The following TNIP1 variants were observed in gnomAD, a reference collection of about 807,000 sequenced individuals.
TNIP1 encodes TNFAIP3-interacting protein 1.
TNIP1 carries 22 observed loss-of-function variants against 86.6 expected under a neutral mutation model. The ratio of observed to expected loss-of-function variants is 0.25; its 90% CI spans 0.18 to 0.36. TNIP1 has a LOEUF of 0.36. Ranked by LOEUF, TNIP1 falls within the 10% of genes least tolerant of loss-of-function variation. The pLI is 1.00. For synonymous variants in TNIP1, 294 were observed against 313.0 expected (o/e 0.94, Z 0.64); for missense variants, 709 against 820.6 (o/e 0.86, Z 1.66).
At chr5:151,066,094 C>A (rs1466758453) in intron 1 of TNIP1, among the ~76,000 whole-genome samples, 1 of 152,136 alleles carries the variant, frequency 6.6e-6, no homozygotes, top group Non-Finnish European at 1.5e-5. Context: ...ATAAAACAGA[C>A]AAAAATCCTT....
rs1163226117 is a variant in TNIP1, at chr5:151,059,864, TGTGCGC to T, written c.435+448_435+453del. 6.2e-4 allele frequency among the ~76,000 whole-genome samples: 61 copies of T among 98,674 alleles called. 1 individual carries two copies. Among genetic ancestry groups the T allele is most frequent in the African/African-American group, 2.6e-3 (49 of 18,830 alleles). The allele number at this position is 98,674 out of a possible 152,430, so 64.7% of individuals were successfully genotyped here. The stretch of plus-strand genomic sequence containing the variant: ...GTGTGTGTGTGTGTGTGTGTGTGTG[TGTGCGC>T]GCGCGCGCGCGCATGCGTGTAAGTG... On this transcript the variant is annotated intron_variant, in intron 5 of 17. Coordinates refer to ENST00000521591, the MANE Select transcript of TNIP1 (RefSeq NM_006058.5).
intron 11 of TNIP1, among the ~76,000 whole-genome samples, chr5:151,040,312 A>G (rs552353316): frequency 1.3e-5 from 2 of 152,350 alleles, no homozygotes; most frequent in Admixed American, 1.3e-4. Context: ...TGGACATTTC[A>G]TAACTGTGTA....
intron 16 of TNIP1, chr5:151,032,611 T>A (rs978276898): frequency 7.0e-6 from 4 of 567,560 alleles, no homozygotes; most frequent in African/African-American, 5.6e-5. Flanking sequence ...TGAATCCAGG[T>A]CTTTGTAAAT....
At chr5:151,039,699 C>T (rs990511722) in intron 11 of TNIP1, among the ~76,000 whole-genome samples, 1 of 152,170 alleles carries the variant, frequency 6.6e-6, no homozygotes, top group African/African-American at 2.4e-5. Flanking sequence ...CTTCCGTGAT[C>T]CACAGAAAGC....
chr5:151,060,712 A>G lies in TNIP1; in HGVS notation c.358-317T>C, dbSNP rs1454866635. 2.6e-5 allele frequency among the ~76,000 whole-genome samples: 4 copies of G among 152,232 alleles called. No homozygotes were observed. In the East Asian group the frequency reaches 7.7e-4, roughly 29 times the overall value. On this transcript the variant is annotated intron_variant, in intron 4 of 17. Coordinates refer to ENST00000521591, the MANE Select transcript of TNIP1 (RefSeq NM_006058.5). ...GGCCGTGTACTTTTTAAATGCTTTC[A>G]TGAGCTCCATTATTTCTCAGGGTGA...
rs1012253405 is a variant in TNIP1 at position 151,032,201 on chromosome 5, C to T, written c.1876+86G>A. 1.2e-5 allele frequency: 15 copies of T among 1,204,982 alleles called. 1 individual carries two copies. The East Asian group carries it at 1.9e-4, about 15-fold the overall frequency. 74.6% of individuals were successfully genotyped at this position (1,204,982 alleles called of 1,614,324 possible). On this transcript the variant is annotated intron_variant, in intron 17 of 17. Transcript: ENST00000521591. ...CTCCTCCACCAAGAGCAGAAACTAA[C>T]GACATCACCCCCAAACTCAGGCAAT...
At chr5:151,072,670 C>T (rs78947941) in intron 1 of TNIP1, among the ~76,000 whole-genome samples, 2,459 of 152,292 alleles carry the variant, frequency 0.016, 76 homozygotes, top group African/African-American at 0.056. Flanking sequence ...GACTGCCCCC[C>T]CTCCAGTCCC....
intron 1 of TNIP1, among the ~76,000 whole-genome samples, chr5:151,070,769 G>C (rs1020870426): frequency 2.0e-5 from 3 of 152,144 alleles, no homozygotes; most frequent in Non-Finnish European, 2.9e-5. Context: ...TCCAGGCTGG[G>C]GAAACTGCAG....
At chr5:151,064,830 G>A in intron 2 of TNIP1, 130 bp downstream of exon 2, 1 of 1,344,744 alleles carries the variant, frequency 7.4e-7, no homozygotes, top group Non-Finnish European at 1.0e-6. Flanking sequence ...AGCCAGCGCT[G>A]GGCCAGGAGG....
chr5:151,083,779 CAT>C (rs771152730), upstream of TNIP1, among the ~76,000 whole-genome samples: 6 of 152,342 alleles, frequency 3.9e-5, no homozygotes, highest in South Asian at 2.1e-4. Context: ...TAATAAAAAA[CAT>C]ATGAAAAATC....
At position 151,033,779 on chromosome 5, in the gene TNIP1, A is replaced by G; in HGVS notation, c.1608T>C (p.His536=). Residue 536 remains histidine (H), a synonymous_variant, in exon 16 of 18, where the codon CAT becomes CAC. Transcript: ENST00000521591. ...RKAKASGERY[H]VEPHPEHLCG... Reference sequence around the variant, plus strand: ...AGAGATGTTCTGGGTGGGGCTCCACATGGTAACGCTCTCCTGAGGCCTGCA... The same window carrying G: ...AGAGATGTTCTGGGTGGGGCTCCACGTGGTAACGCTCTCCTGAGGCCTGCA... The G allele has an allele frequency of 7.3e-7, 1 of 1,365,420 alleles. No individual in the cohort carries two copies. The highest frequency in any genetic ancestry group is 9.5e-7 in the Non-Finnish European group (1 of 1,052,510). The allele number at this position is 1,365,420 out of a possible 1,614,324, so 84.6% of individuals were successfully genotyped here.
At chr5:151,051,043 TC>T (rs951726516) in intron 7 of TNIP1, among the ~76,000 whole-genome samples, 1 of 152,178 alleles carries the variant, frequency 6.6e-6, no homozygotes, top group African/African-American at 2.4e-5. Context: ...AAAATGACTT[TC>T]CCAAGGTCAT....
rs1338328229 is a variant in TNIP1 at position 151,081,012 on chromosome 5, AC to A, written c.-170del. ...TAGGGCTCCTGGACGGGGGCAGGGC[AC>A]CCGGGCCGAGGACGAGGAAGTGCCG... On this transcript the variant is annotated 5_prime_UTR_variant, in exon 1 of 18. Coordinates refer to ENST00000521591, the MANE Select transcript of TNIP1 (RefSeq NM_006058.5). The A allele has an allele frequency of 2.0e-5, 3 of 151,556 alleles. No homozygotes were observed. The highest frequency in any genetic ancestry group is 4.4e-5 in the Non-Finnish European group (3 of 67,856). 9.4% of individuals were successfully genotyped at this position (151,556 alleles called of 1,614,324 possible).
At chr5:151,036,057 T>G (rs1757663613) in intron 13 of TNIP1, among the ~76,000 whole-genome samples, 1 of 152,218 alleles carries the variant, frequency 6.6e-6, no homozygotes, top group Non-Finnish European at 1.5e-5. Flanking sequence ...AGTTTGGATC[T>G]GCTGGTTCTG....
chr5:151,049,742 G>T (rs567295943), intron 8 of TNIP1, 82 bp downstream of exon 8: 7 of 1,529,442 alleles, frequency 4.6e-6, no homozygotes, highest in Non-Finnish European at 6.3e-6. Flanking sequence ...GGAGGGAGGA[G>T]GCTCACTGTC....
chr5:151,060,279 G>A, intron 5 of TNIP1, 39 bp downstream of exon 5: 1 of 1,607,944 alleles, frequency 6.2e-7, no homozygotes, highest in Non-Finnish European at 8.5e-7. Flanking sequence ...ACACAAAGAG[G>A]GCAGCAGGTC....
chr5:151,041,044 G>A (rs151182796), intron 11 of TNIP1, among the ~76,000 whole-genome samples: 1 of 151,268 alleles, frequency 6.6e-6, no homozygotes, highest in East Asian at 1.9e-4. Flanking sequence ...CCCACTCTCT[G>A]ATCTCTGTAA....
intron 13 of TNIP1, 86 bp downstream of exon 13, chr5:151,036,704 C>T: frequency 6.3e-7 from 1 of 1,597,314 alleles, no homozygotes; most frequent in East Asian, 2.2e-5. Flanking sequence ...TTACAGGTTC[C>T]ATGTGATTCC....
In TNIP1 at chr5:151,029,972, C is replaced by A. The variant is rs1756703250; in HGVS notation, c.*741G>T. 4.6e-6 allele frequency: 2 copies of A among 432,038 alleles called. No individual in the cohort carries two copies. The highest frequency in any genetic ancestry group is 4.0e-5 in the African/African-American group (2 of 49,504). The allele number at this position is 432,038 out of a possible 1,614,324, so 26.8% of individuals were successfully genotyped here. ...GATCTTCTTCAACTTGGATTTATGTCCATGATTCGTGCAAATAGCTATCCA... is the reference window on the plus strand; with the variant it reads ...GATCTTCTTCAACTTGGATTTATGTACATGATTCGTGCAAATAGCTATCCA... On this transcript the variant is annotated 3_prime_UTR_variant, in exon 18 of 18. Transcript: ENST00000521591.
Sources: allele counts gnomAD v4.1 joint callset (sites outside exome capture counted in the v4.1 genomes callset), GRCh38; gene constraint gnomAD v4.1.1; transcripts MANE v1.5; gene names NCBI Gene and HGNC (gene_info 2026-07-23, HGNC 2026-07-21).